CLUAP1: variants seen among roughly 807,000 people sequenced by gnomAD.
CLUAP1 encodes clusterin-associated protein 1.
CLUAP1 carries 50 observed loss-of-function variants against 55.0 expected under a neutral mutation model. That is an observed-to-expected ratio of 0.91 (90% CI 0.72 to 1.15). The LOEUF (loss-of-function observed/expected upper bound fraction) is 1.15, where lower values mean the gene tolerates loss of function less well. Among genes scored for constraint, CLUAP1 ranks in the 50% most tolerant of loss-of-function variants. The pLI, the probability that CLUAP1 is intolerant of heterozygous loss-of-function variation, is 0.00. For missense variants in CLUAP1, 530 were observed against 507.6 expected, an observed-to-expected ratio of 1.04 and a Z score of -0.42; for synonymous variants, 195 against 175.4, an observed-to-expected ratio of 1.11 and a Z score of -0.88.
chr16:3,502,519 T>G (rs1182814141), intron 1 of CLUAP1, among the ~76,000 whole-genome samples: 14 of 152,126 alleles, frequency 9.2e-5, no homozygotes, highest in Admixed American at 7.2e-4. Context: ...TAAAGCCAGT[T>G]TTCTCGTCCA....
intron 10 of CLUAP1, among the ~76,000 whole-genome samples, chr16:3,531,950 TCTC>T (rs2038128379): frequency 1.3e-5 from 2 of 152,064 alleles, no homozygotes; most frequent in South Asian, 4.2e-4. Context: ...AGGGAGCAAT[TCTC>T]CTGCAATCCC....
Position 3,535,969 on chromosome 16 carries a change from C to G in CLUAP1, c.1093-153C>G, listed in dbSNP as rs2038223225. On this transcript the variant is annotated intron_variant, in intron 11 of 11. Transcript: ENST00000576634. ...AGCTGGCAGTACATAGCCTCAGTCC[C>G]ATCTGTATGCCCTCCCACAGCCTGC... The G allele has an allele frequency of 5.8e-5, 45 of 777,644 alleles. No homozygotes were observed. The South Asian group carries it at 7.9e-4, about 14-fold the overall frequency. 48.2% of individuals were successfully genotyped at this position (777,644 alleles called of 1,614,324 possible).
upstream of CLUAP1, chr16:3,496,140 CAAAA>C: frequency 5.8e-6 from 2 of 342,350 alleles, no homozygotes; most frequent in Non-Finnish European, 1.1e-5. Flanking sequence ...GACTCCGTCT[CAAAA>C]AAAAAAAAAA....
intron 6 of CLUAP1, 65 bp downstream of exon 6, chr16:3,515,656 C>G (rs1449626151): frequency 7.0e-6 from 8 of 1,139,544 alleles, no homozygotes; most frequent in African/African-American, 1.6e-5. Context: ...TGATTTCTTG[C>G]CCATACAAGA....
At chr16:3,518,510 G>A (rs1245771462) in intron 6 of CLUAP1, among the ~76,000 whole-genome samples, 1 of 152,200 alleles carries the variant, frequency 6.6e-6, no homozygotes, top group African/African-American at 2.4e-5. Flanking sequence ...CAGCTGTTTT[G>A]CATTGTGGAT....
rs992626662 is a variant in CLUAP1 at position 3,536,453 on chromosome 16, A to G, written c.*182A>G. On this transcript the variant is annotated 3_prime_UTR_variant, in exon 12 of 12. Transcript: ENST00000576634. ...TGCATTCCATGAAGCTTAAATAAGA[A>G]TTGAAGCAAATCCCTAAGATTTATT... 11 of 565,878 alleles carry G rather than the reference A, an allele frequency of 1.9e-5. No homozygotes were observed. Among genetic ancestry groups the G allele is most frequent in the African/African-American group, 3.7e-5 (2 of 53,712 alleles). 35.1% of individuals were successfully genotyped at this position (565,878 alleles called of 1,614,324 possible). A position where few individuals can be genotyped will look rare whatever the true frequency, so the allele number is the denominator to read the frequency against.
Position 3,533,554 on chromosome 16 carries a change from A to T in CLUAP1, c.1092+713A>T, listed in dbSNP as rs1184098347. 2.4e-5 allele frequency: 5 copies of T among 206,346 alleles called. No individual in the cohort carries two copies. In the South Asian group the frequency reaches 3.8e-4, roughly 16 times the overall value. 12.8% of individuals were successfully genotyped at this position (206,346 alleles called of 1,614,324 possible). A position where few individuals can be genotyped will look rare whatever the true frequency, so the allele number is the denominator to read the frequency against. On this transcript the variant is annotated intron_variant, in intron 11 of 11. Coordinates refer to ENST00000576634, the MANE Select transcript of CLUAP1 (RefSeq NM_015041.3). ...AGCTGCCTTGAGCTTTACTGAGTGG[A>T]TAACTCCCTGGAGCACTTAAGCAAA...
chr16:3,509,550 C>G (rs768101234), intron 4 of CLUAP1, among the ~76,000 whole-genome samples: 107 of 152,146 alleles, frequency 7.0e-4, no homozygotes, highest in Non-Finnish European at 1.3e-3. Context: ...GGGACAGGTG[C>G]CGTCAGGTGT....
chr16:3,510,493 T>C (rs1206956514), intron 4 of CLUAP1, among the ~76,000 whole-genome samples: 5 of 152,102 alleles, frequency 3.3e-5, no homozygotes, highest in Non-Finnish European at 5.9e-5. Context: ...GTCTAGAGAT[T>C]GGGGCATATT....
intron 6 of CLUAP1, among the ~76,000 whole-genome samples, chr16:3,516,266 C>T (rs1323803101): frequency 1.3e-5 from 2 of 152,108 alleles, no homozygotes; most frequent in African/African-American, 4.8e-5. Context: ...TCAGTAGACA[C>T]GGATGAGGGC....
At chr16:3,501,734 C>T (rs2037406603) in intron 1 of CLUAP1, among the ~76,000 whole-genome samples, 1 of 151,926 alleles carries the variant, frequency 6.6e-6, no homozygotes, top group Non-Finnish European at 1.5e-5. Flanking sequence ...CGGGCCATTG[C>T]ACTCCAGCCT....
upstream of CLUAP1, chr16:3,496,775 T>A (rs2037317063): frequency 4.5e-6 from 2 of 442,444 alleles, no homozygotes; most frequent in Admixed American, 5.2e-5. Context: ...AAACGAACCC[T>A]CTTATTAAAA....
chr16:3,519,000 G>C (rs756920929), intron 6 of CLUAP1, among the ~76,000 whole-genome samples: 12 of 152,348 alleles, frequency 7.9e-5, no homozygotes, highest in Non-Finnish European at 1.3e-4. Flanking sequence ...TGGAAAGCCA[G>C]AACCCTGGGG....
chr16:3,515,310 A>G, intron 5 of CLUAP1, 198 bp from the exon 6 acceptor site: 1 of 444,460 alleles, frequency 2.2e-6, no homozygotes, highest in Non-Finnish European at 3.9e-6. Flanking sequence ...GAGGACCTTG[A>G]GCTCTGGAGA....
At position 3,506,924 on chromosome 16, in the gene CLUAP1, T is replaced by C. The variant is rs138821231; in HGVS notation, c.219+509T>C. ...TTAAGAATTTTGTTTATGCCAGGTG[T>C]GGTGGCTCACGCCTGTAATCCCAGC... is the stretch of plus-strand genomic sequence containing the variant. On this transcript the variant is annotated intron_variant, in intron 3 of 11. Transcript: ENST00000576634. Among the ~76,000 whole-genome samples the C allele has an allele frequency of 4.0e-3, 612 of 152,200 alleles. 7 individuals carry two copies. Among genetic ancestry groups the C allele is most frequent in the African/African-American group, 0.014 (585 of 41,536 alleles).
intron 11 of CLUAP1, chr16:3,533,793 T>C (rs1469553603): frequency 6.5e-6 from 1 of 152,788 alleles, no homozygotes; most frequent in Non-Finnish European, 1.5e-5. Flanking sequence ...AAAATAATTT[T>C]CCTAACAAGC....
chr16:3,527,907 A>T (rs147263530), intron 9 of CLUAP1, among the ~76,000 whole-genome samples: 1,984 of 151,936 alleles, frequency 0.013, 46 homozygotes, highest in African/African-American at 0.046. Flanking sequence ...CACTCTCCTT[A>T]CCCTGCCCCT....
chr16:3,506,467 A>T (rs754339251), intron 3 of CLUAP1, 52 bp downstream of exon 3: 1 of 1,383,772 alleles, frequency 7.2e-7, no homozygotes, highest in East Asian at 2.3e-5. Context: ...ACTAGAAAGG[A>T]TGACTCCTTG....
upstream of CLUAP1, chr16:3,500,904 C>G (rs1030913665): frequency 1.4e-6 from 1 of 728,234 alleles, no homozygotes; most frequent in Admixed American, 2.5e-5. Flanking sequence ...CCGCTCTCCC[C>G]GTGCGTATGC....
Sources: gnomAD v4.1 joint callset for allele counts (sites outside exome capture counted in the v4.1 genomes callset) on GRCh38, gnomAD v4.1.1 for gene constraint, MANE v1.5 for transcripts, NCBI Gene and HGNC (gene_info 2026-07-23, HGNC 2026-07-21) for gene names.